RIDA: variants seen among roughly 807,000 people sequenced by gnomAD.
The protein encoded by RIDA is reactive intermediate imine deaminase A, also known as 2-iminobutanoate/2-iminopropanoate deaminase.
Under a neutral mutation model 17.8 loss-of-function variants are expected in RIDA, and 17 were observed. The ratio of observed to expected loss-of-function variants is 0.96; its 90% CI spans 0.65 to 1.43. The LOEUF (loss-of-function observed/expected upper bound fraction) is 1.43, where lower values mean the gene tolerates loss of function less well. RIDA is among the 40% of genes most tolerant of loss of function. The pLI, the probability that RIDA is intolerant of heterozygous loss-of-function variation, is 0.00. For synonymous variants in RIDA, 48 were observed against 55.7 expected, an observed-to-expected ratio of 0.86 and a Z score of 0.62; for missense variants, 158 against 161.7, an observed-to-expected ratio of 0.98 and a Z score of 0.12.
chr8:98,105,534 G>A (rs777795246), intron 4 of RIDA, among the ~76,000 whole-genome samples: 2 of 152,150 alleles, frequency 1.3e-5, no homozygotes, highest in Non-Finnish European at 2.9e-5. Context: ...TTTTGCATAT[G>A]AGAAAACCAA....
chr8:98,113,509 C>T (rs1483794606), intron 1 of RIDA: 1 of 152,126 alleles, frequency 6.6e-6, no homozygotes, highest in Non-Finnish European at 1.5e-5. Flanking sequence ...ACAAGAGGCA[C>T]AATGTCCTGG....
intron 1 of RIDA, among the ~76,000 whole-genome samples, chr8:98,115,422 G>A (rs1029622943): frequency 6.9e-6 from 1 of 144,324 alleles, no homozygotes; most frequent in Non-Finnish European, 1.5e-5. Context: ...AAAAGGGATA[G>A]TGCCCAATGC....
chr8:98,103,045 T>G, intron 5 of RIDA, 141 bp from the exon 6 acceptor site: 1 of 614,720 alleles, frequency 1.6e-6, no homozygotes, highest in Admixed American at 2.8e-5. Flanking sequence ...GAAGGAAATA[T>G]TCACCAAGAA....
At chr8:98,107,081 T>G (rs1198025479) in intron 2 of RIDA, among the ~76,000 whole-genome samples, 1 of 152,198 alleles carries the variant, frequency 6.6e-6, no homozygotes. Flanking sequence ...CAAGCACACA[T>G]GGTAGCATAC....
chr8:98,106,907 C>T (rs775893197), intron 2 of RIDA, among the ~76,000 whole-genome samples: 67 of 152,010 alleles, frequency 4.4e-4, no homozygotes, highest in Non-Finnish European at 7.5e-4. Flanking sequence ...ACAACAACAA[C>T]AAAAAAACTC....
intron 1 of RIDA, among the ~76,000 whole-genome samples, chr8:98,111,442 T>C (rs1006024774): frequency 3.3e-5 from 5 of 152,022 alleles, no homozygotes; most frequent in Non-Finnish European, 7.4e-5. Flanking sequence ...ATCCTGTCTC[T>C]ACTAAAAAAC....
At chr8:98,105,746 A>G (rs1390157818) in intron 4 of RIDA, among the ~76,000 whole-genome samples, 192 bp downstream of exon 4, 2 of 152,220 alleles carry the variant, frequency 1.3e-5, no homozygotes, top group East Asian at 3.8e-4. Flanking sequence ...TAGGGAATGC[A>G]ATAGAAATGT....
chr8:98,110,902 C>G (rs1469183211), intron 1 of RIDA, among the ~76,000 whole-genome samples: 1 of 152,156 alleles, frequency 6.6e-6, no homozygotes, highest in African/African-American at 2.4e-5. Context: ...AAGTGTCTGA[C>G]AGTTCCTCCT....
intron 5 of RIDA, 134 bp downstream of exon 5, chr8:98,104,355 G>T: frequency 1.4e-6 from 1 of 720,350 alleles, no homozygotes; most frequent in Non-Finnish European, 2.5e-6. Context: ...TCAAAGCACT[G>T]GGATTACAGG....
At chr8:98,105,120 C>CAAAAAAAAAAAAAAAAAAAAAAAAA (rs11354936) in intron 4 of RIDA, among the ~76,000 whole-genome samples, 1 of 88,058 alleles carries the variant, frequency 1.1e-5, no homozygotes, top group African/African-American at 4.5e-5. Flanking sequence ...AGCTTTCTGG[C>CAAAAAAAAAAAAAAAAAAAAAAAAA]AAAAAAAAAA....
At chr8:98,114,489 T>A (rs1336060928) in intron 1 of RIDA, among the ~76,000 whole-genome samples, 1 of 121,210 alleles carries the variant, frequency 8.3e-6, no homozygotes, top group Non-Finnish European at 1.7e-5. Flanking sequence ...TATACCCAGC[T>A]AATTTTTTTT....
rs751018733 is a variant in RIDA, at chr8:98,102,860, C to T, written c.396G>A (p.Leu132=). The part of the protein sequence containing the change: ...EIEAVAIQGP[L]TTASL ...GGCCCACTTATAGTGATGCCGTTGT[C>T]AGTGGTCCTTGGATAGCTACTGCTT... Residue 132 remains leucine (L), a synonymous_variant, in exon 6 of 6, where the codon CTG becomes CTA. Transcript: ENST00000254878. 7.4e-6 allele frequency: 12 copies of T among 1,612,934 alleles called. No homozygotes were observed. The East Asian group carries it at 2.0e-4, about 27-fold the overall frequency.
intron 1 of RIDA, among the ~76,000 whole-genome samples, chr8:98,114,052 G>C (rs886315593): frequency 3.9e-5 from 6 of 152,096 alleles, no homozygotes; most frequent in African/African-American, 1.4e-4. Context: ...AAATTATCTG[G>C]GCATGGTGGC....
chr8:98,116,107 T>C (rs1815817695), intron 1 of RIDA, among the ~76,000 whole-genome samples: 1 of 152,170 alleles, frequency 6.6e-6, no homozygotes, highest in African/African-American at 2.4e-5. Context: ...AAATCCTTAA[T>C]AAATTAATTT....
chr8:98,106,671 C>A, intron 2 of RIDA: 1 of 175,662 alleles, frequency 5.7e-6, no homozygotes, highest in East Asian at 1.4e-4. Context: ...AGCATTAAAA[C>A]ATATTTTCTT....
At chr8:98,112,013 AAC>A (rs1363532424) in intron 1 of RIDA, among the ~76,000 whole-genome samples, 1 of 152,142 alleles carries the variant, frequency 6.6e-6, no homozygotes, top group South Asian at 2.1e-4. Flanking sequence ...TGGTATATTA[AAC>A]ATTCTTGTAC....
chr8:98,112,011 T>C (rs1815735201), intron 1 of RIDA, among the ~76,000 whole-genome samples: 1 of 152,174 alleles, frequency 6.6e-6, no homozygotes, highest in African/African-American at 2.4e-5. Context: ...TATGGTATAT[T>C]AAACATTCTT....
intron 3 of RIDA, 118 bp downstream of exon 3, chr8:98,106,154 A>T: frequency 1.7e-6 from 2 of 1,164,328 alleles, no homozygotes; most frequent in Non-Finnish European, 2.5e-6. Context: ...GTTGCTATTT[A>T]AAACAACTTT....
chr8:98,104,082 C>CT (rs539041035), intron 5 of RIDA, among the ~76,000 whole-genome samples: 23,995 of 127,974 alleles, frequency 0.19, 2,319 homozygotes, highest in Non-Finnish European at 0.23. Context: ...TATTTCTTTT[C>CT]TTTTTTTTTT....
Sources: gnomAD v4.1 joint callset for allele counts (sites outside exome capture counted in the v4.1 genomes callset) on GRCh38, gnomAD v4.1.1 for gene constraint, MANE v1.5 for transcripts, NCBI Gene and HGNC (gene_info 2026-07-23, HGNC 2026-07-21) for gene names.